DLAT: variants seen among roughly 807,000 people sequenced by gnomAD.
The protein encoded by DLAT is dihydrolipoyllysine-residue acetyltransferase component of pyruvate dehydrogenase complex, mitochondrial.
Under a neutral mutation model 68.0 loss-of-function variants are expected in DLAT, and 43 were observed. The ratio of observed to expected loss-of-function variants is 0.63; its 90% confidence interval spans 0.50 to 0.81. DLAT has a LOEUF of 0.81. Ranked by LOEUF, DLAT falls within the 40% of genes least tolerant of loss-of-function variation. The pLI, the probability that DLAT is intolerant of heterozygous loss-of-function variation, is 0.00. For missense variants in DLAT, 745 were observed against 815.4 expected, an observed-to-expected ratio of 0.91 and a Z score of 1.05; for synonymous variants, 265 against 288.6, an observed-to-expected ratio of 0.92 and a Z score of 0.83.
chr11:112,038,498 C>A (rs1053276092), intron 6 of DLAT, among the ~76,000 whole-genome samples: 42 of 151,474 alleles, frequency 2.8e-4, no homozygotes, highest in African/African-American at 9.9e-4. Context: ...CACACCTGGC[C>A]GTATTTCTTA....
chr11:112,062,455 G>C lies in DLAT; in HGVS notation c.1864G>C (p.Val622Leu), dbSNP rs1275502006. 6.2e-7 allele frequency: 1 copy of C among 1,612,766 alleles called. No individual in the cohort carries two copies. The highest frequency in any genetic ancestry group is 8.5e-7 in the Non-Finnish European group (1 of 1,179,972). The change falls in exon 14 of 14, where the codon GTG becomes CTG. Residue 622 changes from valine (V) to leucine (L), a missense_variant. Coordinates refer to ENST00000280346, the MANE Select transcript of DLAT (RefSeq NM_001931.5). ...MSVTLSCDHR[V>L]VDGAVGAQWL... Reference sequence around the variant, plus strand: ...TGTTACACTCAGTTGTGATCACCGGGTGGTGGATGGAGCAGTTGGAGCCCA... The same window carrying C: ...TGTTACACTCAGTTGTGATCACCGGCTGGTGGATGGAGCAGTTGGAGCCCA...
chr11:112,030,293 G>A, intron 4 of DLAT: 1 of 549,160 alleles, frequency 1.8e-6, no homozygotes. Context: ...TCTTTGTGCG[G>A]CCAACTTCCT....
chr11:112,040,051 T>C (rs1419624082), intron 7 of DLAT, among the ~76,000 whole-genome samples: 1 of 152,214 alleles, frequency 6.6e-6, no homozygotes, highest in African/African-American at 2.4e-5. Context: ...ATCGTATAGA[T>C]TGTGAGAGTT....
At chr11:112,043,995 T>C (rs1555181222) in intron 8 of DLAT, among the ~76,000 whole-genome samples, 1 of 152,236 alleles carries the variant, frequency 6.6e-6, no homozygotes, top group Admixed American at 6.5e-5. Context: ...CTTATGGATA[T>C]GGAGGGCCAA....
At chr11:112,025,882 T>A in intron 1 of DLAT, 131 bp downstream of exon 1, 1 of 1,242,564 alleles carries the variant, frequency 8.0e-7, no homozygotes, top group Non-Finnish European at 1.1e-6. Flanking sequence ...CTTTGTCCAA[T>A]AGTTGGCTTT....
chr11:112,045,097 T>C (rs1555181331), intron 8 of DLAT, 41 bp from the exon 9 acceptor site: 5 of 1,499,774 alleles, frequency 3.3e-6, no homozygotes, highest in African/African-American at 2.8e-5. Flanking sequence ...TACGCTAAGA[T>C]TGAATCACAG....
intron 8 of DLAT, among the ~76,000 whole-genome samples, chr11:112,044,104 G>A (rs1284721942): frequency 1.1e-4 from 16 of 152,026 alleles, no homozygotes; most frequent in African/African-American, 2.9e-4. Context: ...CTAGTTAATC[G>A]GTTTTTGCTT....
intron 7 of DLAT, among the ~76,000 whole-genome samples, chr11:112,042,589 G>T (rs1863104184): frequency 6.6e-6 from 1 of 152,188 alleles, no homozygotes; most frequent in African/African-American, 2.4e-5. Context: ...TTTCCTAGAA[G>T]TGGGCCAGTG....
At chr11:112,037,144 A>G in intron 5 of DLAT, 129 bp from the exon 6 acceptor site, 2 of 802,100 alleles carry the variant, frequency 2.5e-6, no homozygotes, top group Non-Finnish European at 4.2e-6. Context: ...ACAGAAGGTT[A>G]AATAGGTTGC....
intron 6 of DLAT, among the ~76,000 whole-genome samples, chr11:112,037,856 C>A (rs1160848236): frequency 1.3e-5 from 2 of 150,612 alleles, no homozygotes; most frequent in Non-Finnish European, 2.9e-5. Context: ...TAGCTCACTT[C>A]ATTGCCCATT....
chr11:112,037,359 A>G lies in DLAT; in HGVS notation c.874A>G (p.Ile292Val), dbSNP rs782189118. Residue 292 changes from isoleucine (I) to valine (V), a missense_variant, in exon 6 of 14, where the codon ATC becomes GTC. Physicochemically the swap from Ile to Val is conservative, Grantham distance 29. Transcript: ENST00000280346. ...TGTCCCTCTAGGAACCCCACTCTGT[A>G]TCATTGTAGAAAAAGAGGCAGATAT... ...RDVPLGTPLC[I>V]IVEKEADISA... The G allele has an allele frequency of 6.2e-7, 1 of 1,614,190 alleles. No individual in the cohort carries two copies. The highest frequency in any genetic ancestry group is 8.5e-7 in the Non-Finnish European group (1 of 1,179,996).
intron 10 of DLAT, among the ~76,000 whole-genome samples, chr11:112,046,540 C>G (rs1160278377): frequency 6.6e-6 from 1 of 151,518 alleles, no homozygotes; most frequent in Non-Finnish European, 1.5e-5. Context: ...TAGGTATACA[C>G]GTGCCATGGT....
chr11:112,026,243 G>A lies in DLAT; in HGVS notation c.325G>A (p.Ala109Thr), dbSNP rs782271482. 18 of 1,609,514 alleles carry A rather than the reference G, an allele frequency of 1.1e-5. No homozygotes were observed. The highest frequency in any genetic ancestry group is 1.4e-5 in the Non-Finnish European group (16 of 1,178,448). The stretch of plus-strand genomic sequence containing the variant: ...CCCCACAATGCAGGCAGGCACCATA[G>A]CCCGTTGGGAAAAAAAAGAGGGGGA... ...LSPTMQAGTI[A>T]RWEKKEGDKI... Residue 109 changes from alanine (A) to threonine (T), a missense_variant, in exon 2 of 14, where the codon GCC becomes ACC. By Grantham distance (58) the Ala-to-Thr change is moderately conservative. Transcript: ENST00000280346.
intron 13 of DLAT, 132 bp from the exon 14 acceptor site, chr11:112,062,274 A>C: frequency 1.1e-6 from 1 of 951,460 alleles, no homozygotes; most frequent in South Asian, 1.5e-5. Flanking sequence ...CTAAAGGTAT[A>C]GGAGACTGGA....
At position 112,064,005 on chromosome 11, in the gene DLAT, C is replaced by G; in HGVS notation, c.*1470C>G. 2 of 608,296 alleles carry G rather than the reference C, an allele frequency of 3.3e-6. No homozygotes were observed. The highest frequency in any genetic ancestry group is 5.5e-6 in the Non-Finnish European group (2 of 365,870). The allele number at this position is 608,296 out of a possible 1,614,324, so 37.7% of individuals were successfully genotyped here. A position where few individuals can be genotyped will look rare whatever the true frequency, so the allele number is the denominator to read the frequency against. Reference sequence around the variant, plus strand: ...ATTATTACATGGTACACAAGTGACACTCCATATATTCCACACAGACTTTTA... The same window carrying G: ...ATTATTACATGGTACACAAGTGACAGTCCATATATTCCACACAGACTTTTA... On this transcript the variant is annotated 3_prime_UTR_variant, in exon 14 of 14. Coordinates refer to ENST00000280346, the MANE Select transcript of DLAT (RefSeq NM_001931.5).
At chr11:112,037,116 A>G (rs1019301640) in intron 5 of DLAT, among the ~76,000 whole-genome samples, 157 bp from the exon 6 acceptor site, 15 of 152,330 alleles carry the variant, frequency 9.8e-5, no homozygotes, top group Admixed American at 5.2e-4. Context: ...CCCGTATTGT[A>G]GGTAAAGAAA....
chr11:112,039,258 T>A lies in DLAT; in HGVS notation c.990T>A (p.Pro330=). ...TTTTTCAAAAGGTGGCCGCTGTTCC[T>A]CCAACTCCCCAGCCTTTAGCTCCTA... ...PPTPPPVAAV[P]PTPQPLAPTP... is the part of the protein sequence containing the mutation. The change falls in exon 7 of 14, where the codon CCT becomes CCA. Residue 330 remains proline (P), a synonymous_variant. Coordinates refer to ENST00000280346, the MANE Select transcript of DLAT (RefSeq NM_001931.5). The A allele has an allele frequency of 6.2e-7, 1 of 1,614,088 alleles. No individual in the cohort carries two copies. The highest frequency in any genetic ancestry group is 8.5e-7 in the Non-Finnish European group (1 of 1,179,992).
At chr11:112,040,584 C>T (rs587645782) in intron 7 of DLAT, among the ~76,000 whole-genome samples, 2 of 152,214 alleles carry the variant, frequency 1.3e-5, no homozygotes, top group African/African-American at 4.8e-5. Context: ...CTGCAATTTG[C>T]TATCTTGTAG....
chr11:112,060,403 G>T (rs1169950419), intron 12 of DLAT, among the ~76,000 whole-genome samples: 1 of 150,474 alleles, frequency 6.6e-6, no homozygotes, highest in South Asian at 2.1e-4. Context: ...CTTGTGATCC[G>T]CCTGCCTCAG....
Sources: allele counts gnomAD v4.1 joint callset (sites outside exome capture counted in the v4.1 genomes callset), GRCh38; gene constraint gnomAD v4.1.1; transcripts MANE v1.5; gene names NCBI Gene and HGNC (gene_info 2026-07-23, HGNC 2026-07-21).